ATRNL1: variants seen among roughly 807,000 people sequenced by gnomAD.
ATRNL1 encodes attractin like 1.
A neutral mutation model predicts 182.7 loss-of-function variants in ATRNL1; 95 were observed. The observed-to-expected ratio is 0.52, with a 90% CI of 0.44 to 0.62. The LOEUF (loss-of-function observed/expected upper bound fraction) is 0.62, where lower values mean the gene tolerates loss of function less well. Ranked by LOEUF, ATRNL1 falls within the 20% of genes least tolerant of loss-of-function variation. The pLI is 0.00. For synonymous variants in ATRNL1, 576 were observed against 568.3 expected (o/e 1.01, Z -0.19); for missense variants, 1,471 against 1,679.5 (o/e 0.88, Z 2.17).
chr10:115,941,401 C>T (rs532780654), intron 28 of ATRNL1, among the ~76,000 whole-genome samples: 7 of 152,142 alleles, frequency 4.6e-5, no homozygotes, highest in Non-Finnish European at 1.0e-4. Context: ...GATACAGTGG[C>T]AGTTTTGGAT....
intron 26 of ATRNL1, among the ~76,000 whole-genome samples, chr10:115,574,276 ATATC>A (rs556052893): frequency 7.5e-4 from 113 of 151,034 alleles, no homozygotes; most frequent in African/African-American, 2.7e-3. Context: ...GTACATGTAT[ATATC>A]TATAACTATG....
At chr10:115,391,027 A>T (rs1843989320) in intron 19 of ATRNL1, among the ~76,000 whole-genome samples, 1 of 152,304 alleles carries the variant, frequency 6.6e-6, no homozygotes, top group Non-Finnish European at 1.5e-5. Context: ...CTTCTGTATC[A>T]GTTCTAACAT....
At chr10:115,704,389 A>G (rs1435095662) in intron 26 of ATRNL1, among the ~76,000 whole-genome samples, 1 of 151,856 alleles carries the variant, frequency 6.6e-6, no homozygotes, top group Non-Finnish European at 1.5e-5. Flanking sequence ...ATTGTGACAT[A>G]TTAACTAATT....
intron 8 of ATRNL1, among the ~76,000 whole-genome samples, chr10:115,208,334 C>G (rs1337788239): frequency 6.6e-6 from 1 of 151,862 alleles, no homozygotes; most frequent in Non-Finnish European, 1.5e-5. Context: ...GGATGATTTT[C>G]TTTTTGTTAT....
intron 1 of ATRNL1, among the ~76,000 whole-genome samples, chr10:115,111,679 G>A (rs1469414197): frequency 6.6e-6 from 1 of 152,148 alleles, no homozygotes; most frequent in South Asian, 2.1e-4. Flanking sequence ...ACTCTTCTCA[G>A]TAGGCCTCAC....
At chr10:115,381,663 C>G (rs555500550) in intron 19 of ATRNL1, among the ~76,000 whole-genome samples, 1 of 151,798 alleles carries the variant, frequency 6.6e-6, no homozygotes, top group African/African-American at 2.4e-5. Flanking sequence ...TCTTTATTGT[C>G]CTCTTATTTT....
chr10:115,695,514 A>G (rs1335713686), intron 26 of ATRNL1, among the ~76,000 whole-genome samples: 1 of 152,192 alleles, frequency 6.6e-6, no homozygotes, highest in Non-Finnish European at 1.5e-5. Context: ...ATATGATGTC[A>G]TTCTAAAACC....
chr10:115,362,070 C>A (rs1202627950), intron 19 of ATRNL1, among the ~76,000 whole-genome samples: 3 of 151,964 alleles, frequency 2.0e-5, no homozygotes, highest in African/African-American at 7.2e-5. Flanking sequence ...TTCTAAATTG[C>A]AAGAGCTATC....
chr10:115,326,595 T>C (rs10885689), intron 18 of ATRNL1, among the ~76,000 whole-genome samples: 35,018 of 151,762 alleles, frequency 0.23, 5,128 homozygotes, highest in Non-Finnish European at 0.33. Flanking sequence ...TTAAAGTTCA[T>C]ATGGAACCAA....
intron 26 of ATRNL1, among the ~76,000 whole-genome samples, chr10:115,608,426 T>C (rs1347035624): frequency 6.6e-6 from 1 of 152,060 alleles, no homozygotes; most frequent in Non-Finnish European, 1.5e-5. Flanking sequence ...AATTTTGATT[T>C]TGAAAAATTT....
rs1046135844 is a variant in ATRNL1, at chr10:115,706,996, A to G, written c.3796-20252A>G. Among the ~76,000 whole-genome samples the G allele has an allele frequency of 2.0e-5, 3 of 152,024 alleles. No individual in the cohort carries two copies. The East Asian group carries it at 5.8e-4, about 29-fold the overall frequency. On this transcript the variant is annotated intron_variant, in intron 26 of 28. Transcript: ENST00000355044. ...TTCTTACAAATTCTAAATTTAATTG[A>G]TATGATTAATTATTAATCTCAATTT...
intron 27 of ATRNL1, among the ~76,000 whole-genome samples, chr10:115,835,039 A>G (rs1292993070): frequency 2.0e-5 from 3 of 152,316 alleles, no homozygotes; most frequent in Middle Eastern, 3.4e-3. Context: ...AGTAAATAGT[A>G]CATGCTCAAT....
At chr10:115,845,004 T>C (rs1382065882) in intron 27 of ATRNL1, among the ~76,000 whole-genome samples, 3 of 135,740 alleles carry the variant, frequency 2.2e-5, no homozygotes, top group African/African-American at 7.4e-5. Flanking sequence ...TATAAAGAGA[T>C]GTTTGGGTTT....
intron 19 of ATRNL1, among the ~76,000 whole-genome samples, chr10:115,347,360 C>T (rs1856022567): frequency 6.6e-6 from 1 of 151,998 alleles, no homozygotes; most frequent in Admixed American, 6.6e-5. Flanking sequence ...GGGTAAAAGT[C>T]ATTTTTATTT....
intron 28 of ATRNL1, among the ~76,000 whole-genome samples, chr10:115,907,246 G>A (rs550239838): frequency 6.6e-6 from 1 of 152,322 alleles, no homozygotes; most frequent in African/African-American, 2.4e-5. Context: ...CATCAAAAAG[G>A]AAGCTGCGGT....
At chr10:115,598,676 A>G (rs1856421066) in intron 26 of ATRNL1, among the ~76,000 whole-genome samples, 1 of 152,164 alleles carries the variant, frequency 6.6e-6, no homozygotes, top group South Asian at 2.1e-4. Flanking sequence ...ATAATAAATA[A>G]CATATTCTTT....
rs1554929439 is a variant in ATRNL1 at position 115,315,714 on chromosome 10, G to A, written c.3015G>A (p.Glu1005=). Residue 1005 remains glutamate, a synonymous_variant, in exon 18 of 29, where the codon GAG becomes GAA. Transcript: ENST00000355044. Reference sequence around the variant, plus strand: ...TTTGCCCCAAAGAAAAGAACTATGAGTGGTCCTTTATCCAGTGTCCAGGTA... The same window carrying A: ...TTTGCCCCAAAGAAAAGAACTATGAATGGTCCTTTATCCAGTGTCCAGGTA... ...TNLCPKEKNY[E]WSFIQCPACQ... The A allele has an allele frequency of 3.1e-6, 5 of 1,613,196 alleles. No homozygotes were observed. The highest frequency in any genetic ancestry group is 3.4e-6 in the Non-Finnish European group (4 of 1,179,696).
chr10:115,422,580 G>C (rs1051947913), intron 20 of ATRNL1, among the ~76,000 whole-genome samples: 4 of 152,148 alleles, frequency 2.6e-5, no homozygotes, highest in African/African-American at 9.7e-5. Flanking sequence ...ATACATTGCT[G>C]GTGGGATTGT....
intron 25 of ATRNL1, among the ~76,000 whole-genome samples, chr10:115,537,696 C>A (rs868980938): frequency 1.7e-5 from 1 of 59,758 alleles, no homozygotes; most frequent in Non-Finnish European, 3.9e-5. Flanking sequence ...TTTTTTTGGT[C>A]CTTATTGTTT....
Sources: gnomAD v4.1 joint callset for allele counts (sites outside exome capture counted in the v4.1 genomes callset) on GRCh38, gnomAD v4.1.1 for gene constraint, MANE v1.5 for transcripts, NCBI Gene and HGNC (gene_info 2026-07-23, HGNC 2026-07-21) for gene names.